Variants in SYT9 observed in about 807,000 individuals in gnomAD.
The protein encoded by SYT9 is synaptotagmin-9.
A neutral mutation model predicts 48.4 loss-of-function variants in SYT9; 22 were observed. That is an observed-to-expected ratio of 0.45 (90% CI 0.32 to 0.65). SYT9 has a LOEUF of 0.65. Among genes scored for constraint, SYT9 ranks in the 30% least tolerant of loss-of-function variants. SYT9 has a pLI of 0.03. For synonymous variants in SYT9, 265 were observed against 245.0 expected (o/e 1.08, Z -0.76); for missense variants, 577 against 622.0 (o/e 0.93, Z 0.77).
chr11:7,370,651 A>G (rs1055917944), intron 3 of SYT9, among the ~76,000 whole-genome samples: 12 of 152,178 alleles, frequency 7.9e-5, no homozygotes, highest in Non-Finnish European at 1.6e-4. Context: ...TCAAAAGAAA[A>G]CACATGCACA....
intron 6 of SYT9, chr11:7,441,626 G>A (rs983031757): frequency 2.0e-5 from 3 of 152,076 alleles, no homozygotes; most frequent in African/African-American, 7.2e-5. Context: ...CTTCCTTTCT[G>A]TTCATCTTCA....
intron 3 of SYT9, among the ~76,000 whole-genome samples, chr11:7,372,036 A>T (rs1850370777): frequency 6.6e-6 from 1 of 152,114 alleles, no homozygotes; most frequent in Non-Finnish European, 1.5e-5. Context: ...CTAGGAGTAG[A>T]ATTCCTTGAT....
intron 1 of SYT9, among the ~76,000 whole-genome samples, chr11:7,258,865 T>G (rs1341034860): frequency 6.6e-6 from 1 of 152,126 alleles, no homozygotes; most frequent in East Asian, 1.9e-4. Context: ...AAATTTACTT[T>G]CTACTTTTTT....
At chr11:7,367,120 C>CA (rs1159265366) in intron 3 of SYT9, among the ~76,000 whole-genome samples, 3 of 110,118 alleles carry the variant, frequency 2.7e-5, no homozygotes, top group Admixed American at 1.4e-4. Context: ...CTCGCTCTGT[C>CA]ACCCAGGCTG....
At chr11:7,415,342 A>G (rs912494825) in intron 3 of SYT9, among the ~76,000 whole-genome samples, 1 of 152,058 alleles carries the variant, frequency 6.6e-6, no homozygotes, top group African/African-American at 2.4e-5. Flanking sequence ...ATAGACTGTA[A>G]GTTTCCAGGG....
At chr11:7,453,971 C>T (rs1253917992) in intron 6 of SYT9, 2 of 984,976 alleles carry the variant, frequency 2.0e-6, no homozygotes, top group Non-Finnish European at 2.4e-6. Flanking sequence ...CTTCAGCAGG[C>T]ACCCTCTGTG....
chr11:7,295,357 C>G (rs754832507), intron 1 of SYT9, among the ~76,000 whole-genome samples: 2 of 152,190 alleles, frequency 1.3e-5, no homozygotes, highest in Non-Finnish European at 2.9e-5. Context: ...AACATAAACA[C>G]AATTCAGCAA....
intron 3 of SYT9, among the ~76,000 whole-genome samples, chr11:7,406,478 G>T: frequency 6.7e-6 from 1 of 149,876 alleles, no homozygotes. Flanking sequence ...TTCCATTCCT[G>T]TTGCTGCAAA....
chr11:7,352,470 C>A (rs1849936077), intron 3 of SYT9, among the ~76,000 whole-genome samples: 1 of 152,056 alleles, frequency 6.6e-6, no homozygotes, highest in Non-Finnish European at 1.5e-5. Context: ...TGCCTACTAT[C>A]CCTGGATGAC....
chr11:7,273,829 T>C, intron 1 of SYT9, among the ~76,000 whole-genome samples: 1 of 152,042 alleles, frequency 6.6e-6, no homozygotes, highest in Non-Finnish European at 1.5e-5. Flanking sequence ...ATGTTCTCAC[T>C]CATAAGTGGG....
At chr11:7,456,565 A>G (rs996212968) in intron 6 of SYT9, among the ~76,000 whole-genome samples, 24 of 152,270 alleles carry the variant, frequency 1.6e-4, no homozygotes, top group African/African-American at 5.3e-4. Context: ...CCTGAAATCA[A>G]GTTCACAGGT....
At chr11:7,430,144 T>G (rs898432106) in intron 6 of SYT9, among the ~76,000 whole-genome samples, 1 of 152,246 alleles carries the variant, frequency 6.6e-6, no homozygotes, top group Non-Finnish European at 1.5e-5. Flanking sequence ...TATTTTTATT[T>G]CTACGTTATC....
At chr11:7,351,783 A>G (rs570445075) in intron 3 of SYT9, among the ~76,000 whole-genome samples, 9 of 152,170 alleles carry the variant, frequency 5.9e-5, no homozygotes, top group Non-Finnish European at 8.8e-5. Flanking sequence ...GGCTGGGAAG[A>G]TTCTATTTTA....
intron 6 of SYT9, among the ~76,000 whole-genome samples, chr11:7,442,495 T>C (rs1847846277): frequency 6.6e-6 from 1 of 152,188 alleles, no homozygotes; most frequent in Admixed American, 6.5e-5. Context: ...ACTGTGACTC[T>C]AGACTATCTT....
intron 1 of SYT9, among the ~76,000 whole-genome samples, chr11:7,241,571 G>T (rs1450931626): frequency 6.6e-6 from 1 of 152,196 alleles, no homozygotes; most frequent in Non-Finnish European, 1.5e-5. Flanking sequence ...GAAAAAGCCA[G>T]TTGGAAGGAT....
intron 3 of SYT9, among the ~76,000 whole-genome samples, chr11:7,358,388 G>C (rs897868052): frequency 6.6e-6 from 1 of 152,014 alleles, no homozygotes; most frequent in African/African-American, 2.4e-5. Flanking sequence ...TTCTCATAAC[G>C]ATTGTCATTT....
intron 3 of SYT9, among the ~76,000 whole-genome samples, chr11:7,365,185 A>C (rs528586494): frequency 3.2e-4 from 49 of 152,290 alleles, no homozygotes; most frequent in African/African-American, 9.1e-4. Context: ...GATTGTGGAA[A>C]AAAAAAAGCG....
rs181469695 is a variant in SYT9, at chr11:7,398,530, C to A, written c.1045-17512C>A. 5.3e-5 allele frequency among the ~76,000 whole-genome samples: 8 copies of A among 152,038 alleles called. No homozygotes were observed. In the East Asian group the frequency reaches 1.6e-3, roughly 29 times the overall value. On this transcript the variant is annotated intron_variant, in intron 3 of 6. Transcript: ENST00000318881. ...GTTCACGCCATTCTCCTGCCTCAGC[C>A]TCCCCAGTAGCTGGGACTACAGGCA... is the stretch of plus-strand genomic sequence containing the variant.
chr11:7,387,227 G>T lies in SYT9; in HGVS notation c.1045-28815G>T, dbSNP rs184051295. The stretch of plus-strand genomic sequence containing the variant: ...AATGTTAAATGACGAGTTAATGGGT[G>T]CAGCATACCAACATGGTACAAGTAT... On this transcript the variant is annotated intron_variant, in intron 3 of 6. Coordinates refer to ENST00000318881, the MANE Select transcript of SYT9 (RefSeq NM_175733.4). 1.8e-3 allele frequency among the ~76,000 whole-genome samples: 279 copies of T among 152,168 alleles called. 1 individual carries two copies. The highest frequency in any genetic ancestry group is 2.6e-3 in the Admixed American group (40 of 15,262).
Sources: allele counts gnomAD v4.1 joint callset (sites outside exome capture counted in the v4.1 genomes callset), GRCh38; gene constraint gnomAD v4.1.1; transcripts MANE v1.5; gene names NCBI Gene and HGNC (gene_info 2026-07-23, HGNC 2026-07-21).